Variants in TICAM1 observed in about 807,000 individuals in gnomAD.
TICAM1 encodes the protein TIR domain containing adaptor molecule 1, also known as TIR domain-containing adapter molecule 1.
For missense variants in TICAM1, 895 were observed against 938.2 expected (o/e 0.95, Z 0.60); for synonymous variants, 439 against 415.4 (o/e 1.06, Z -0.69).
Position 4,826,409 on chromosome 19 carries a change from C to G in TICAM1, c.-140+5205G>C, listed in dbSNP as rs913309093. Among the ~76,000 whole-genome samples the G allele has an allele frequency of 3.9e-5, 6 of 152,116 alleles. No homozygotes were observed. In the East Asian group the frequency reaches 9.6e-4, roughly 24 times the overall value. On this transcript the variant is annotated intron_variant, in intron 1 of 1. Coordinates refer to ENST00000248244, the MANE Select transcript of TICAM1 (RefSeq NM_182919.4). ...GCATGATCTCGACTCACTGCAACCT[C>G]TGCCTCCCAGGTTCAAGCGATTCTC...
rs771696411 is a variant in TICAM1 at position 4,816,964 on chromosome 19, C to T, written c.1414G>A (p.Ala472Thr). The T allele has an allele frequency of 3.1e-6, 5 of 1,613,968 alleles. No homozygotes were observed. Among genetic ancestry groups the T allele is most frequent in the Non-Finnish European group, 4.2e-6 (5 of 1,180,034 alleles). Residue 472 changes from alanine (A) to threonine (T), a missense_variant, in exon 2 of 2, where the codon GCC becomes ACC. Transcript: ENST00000248244. This position sits in a 1 kb window ranked among gnomAD's most constrained non-coding sequence, Gnocchi z 4.3. Reference protein sequence around the residue: ...CRLSLHQVNQAMMSNLTRQGS... With the variant: ...CRLSLHQVNQTMMSNLTRQGS... ...TGTCGCGTGAGGTTGCTCATCATGG[C>T]TTGGTTCACCTGGTGCAGGCTCAGG...
intron 1 of TICAM1, among the ~76,000 whole-genome samples, chr19:4,830,914 C>T (rs530166966): frequency 4.9e-4 from 75 of 152,124 alleles, no homozygotes; most frequent in Non-Finnish European, 8.4e-4. Context: ...GGCAGGACTG[C>T]GCCTGGTGAG....
Position 4,817,721 on chromosome 19 carries a change from G to A in TICAM1, c.657C>T (p.Ser219=). The change falls in exon 2 of 2, where the codon AGC becomes AGT. Residue 219 remains serine, a synonymous_variant. Transcript: ENST00000248244. This position sits in a 1 kb window ranked among gnomAD's most constrained non-coding sequence, Gnocchi z 4.7. ...TGGGCCCATGTGGGCTGCGGTGCAGGCTGAGGAAGGGCATGGTAGGGGACT... is the reference window on the plus strand; with the variant it reads ...TGGGCCCATGTGGGCTGCGGTGCAGACTGAGGAAGGGCATGGTAGGGGACT... ...ISQSPTMPFL[S]LHRSPHGPSK... The A allele has an allele frequency of 1.2e-6, 2 of 1,600,774 alleles. No homozygotes were observed. The highest frequency in any genetic ancestry group is 1.7e-6 in the Non-Finnish European group (2 of 1,175,918).
intron 1 of TICAM1, among the ~76,000 whole-genome samples, chr19:4,827,212 A>C (rs1256818315): frequency 1.3e-5 from 2 of 150,828 alleles, no homozygotes; most frequent in African/African-American, 4.9e-5. Flanking sequence ...TTAGCCGGGC[A>C]TGGTGGCGCA....
intron 1 of TICAM1, among the ~76,000 whole-genome samples, chr19:4,826,406 CCT>C (rs2093605486): frequency 1.3e-5 from 2 of 152,034 alleles, no homozygotes; most frequent in South Asian, 4.1e-4. Context: ...CTCACTGCAA[CCT>C]CTGCCTCCCA....
intron 1 of TICAM1, among the ~76,000 whole-genome samples, chr19:4,830,172 T>C (rs1470950334): frequency 6.6e-6 from 1 of 150,802 alleles, no homozygotes; most frequent in Non-Finnish European, 1.5e-5. Context: ...ACTGCAGCCT[T>C]GAACTCCCGG....
intron 1 of TICAM1, among the ~76,000 whole-genome samples, chr19:4,828,410 A>G (rs1222088013): frequency 1.3e-5 from 2 of 149,022 alleles, no homozygotes; most frequent in Non-Finnish European, 3.0e-5. Flanking sequence ...CTAATTATTA[A>G]TGTTTTGTAG....
At chr19:4,827,568 C>T (rs2093607691) in intron 1 of TICAM1, among the ~76,000 whole-genome samples, 1 of 151,464 alleles carries the variant, frequency 6.6e-6, no homozygotes, top group African/African-American at 2.4e-5. Context: ...ACCGTGCTGG[C>T]TAACACGGTG....
chr19:4,816,248 C>A lies in TICAM1; in HGVS notation c.2130G>T (p.Glu710Asp). ...AGGCAAGGACACGCGGTCATTCTGCCTCCTGCGTCTTGTCCTCGGGCGCCT... is the reference window on the plus strand; with the variant it reads ...AGGCAAGGACACGCGGTCATTCTGCATCCTGCGTCTTGTCCTCGGGCGCCT... ...GSQAPEDKTQEAE is the reference protein window; with the variant it reads ...GSQAPEDKTQDAE Residue 710 changes from glutamate (E) to aspartate (D), a missense_variant, in exon 2 of 2, where the codon GAG (glutamate) becomes GAT (aspartate). Glu to Asp is a conservative substitution (Grantham distance 45). Transcript: ENST00000248244. This position sits in a 1 kb window ranked among gnomAD's most constrained non-coding sequence, Gnocchi z 4.3. 6.6e-7 allele frequency: 1 copy of A among 1,509,442 alleles called. No individual in the cohort carries two copies. The highest frequency in any genetic ancestry group is 8.8e-7 in the Non-Finnish European group (1 of 1,131,132). The allele number at this position is 1,509,442 out of a possible 1,614,324, so 93.5% of individuals were successfully genotyped here.
intron 1 of TICAM1, among the ~76,000 whole-genome samples, chr19:4,829,530 T>C (rs373594091): frequency 6.6e-6 from 1 of 151,840 alleles, no homozygotes; most frequent in East Asian, 1.9e-4. Context: ...AAAACACCCA[T>C]GGGGTAGGAG....
Position 4,818,456 on chromosome 19 carries a change from C to G in TICAM1, c.-79G>C. ...GTTCCACACTGCCCCCCGCCTTCTG[C>G]ACGCCCAGTGTCCCCTACCCATTCA... On this transcript the variant is annotated 5_prime_UTR_variant, in exon 2 of 2. Transcript: ENST00000248244. This position sits in a 1 kb window ranked among gnomAD's most constrained non-coding sequence, Gnocchi z 4.0. The G allele has an allele frequency of 6.8e-7, 1 of 1,476,020 alleles. No homozygotes were observed. Among genetic ancestry groups the G allele is most frequent in the Non-Finnish European group, 9.0e-7 (1 of 1,114,218 alleles). 91.4% of individuals were successfully genotyped at this position (1,476,020 alleles called of 1,614,324 possible). A position where few individuals can be genotyped will look rare whatever the true frequency, so the allele number is the denominator to read the frequency against.
In TICAM1 at chr19:4,816,476, G is replaced by T; in HGVS notation, c.1902C>A (p.His634Gln). Reference protein sequence around the residue: ...WPGCPQPPPLHAWQAGTPPPP... With the variant: ...WPGCPQPPPLQAWQAGTPPPP... ...GTGGGGGGGTGCCAGCCTGCCATGC[G>T]TGCAGGGGTGGCGGCTGCGGGCACC... Residue 634 changes from histidine to glutamine, a missense_variant, in exon 2 of 2, where the codon CAC (histidine) becomes CAA (glutamine). Transcript: ENST00000248244. The surrounding 1 kb of genome is among the most constrained non-coding windows in gnomAD (Gnocchi z 4.3). The T allele has an allele frequency of 6.4e-7, 1 of 1,568,380 alleles. No homozygotes were observed. The highest frequency in any genetic ancestry group is 8.6e-7 in the Non-Finnish European group (1 of 1,159,250).
At position 4,818,230 on chromosome 19, in the gene TICAM1, T is replaced by G; in HGVS notation, c.148A>C (p.Lys50Gln). The change falls in exon 2 of 2, where the codon AAG (lysine) becomes CAG (glutamine). Residue 50 changes from lysine to glutamine, a missense_variant. Transcript: ENST00000248244. This position sits in a 1 kb window ranked among gnomAD's most constrained non-coding sequence, Gnocchi z 4.0. ...CTGGCCTCAGTTTCCTGGCCCAGCT[T>G]CAGGAGAACCATGGCATGCAGGAGG... ...QDLLHAMVLLKLGQETEARIS... is the reference protein window; with the variant it reads ...QDLLHAMVLLQLGQETEARIS... 2 of 1,613,230 alleles carry G rather than the reference T, an allele frequency of 1.2e-6. No individual in the cohort carries two copies. The highest frequency in any genetic ancestry group is 1.7e-6 in the Non-Finnish European group (2 of 1,180,002).
chr19:4,828,368 C>G (rs1045663438), intron 1 of TICAM1, among the ~76,000 whole-genome samples: 5 of 151,456 alleles, frequency 3.3e-5, no homozygotes, highest in African/African-American at 1.2e-4. Context: ...TCCCAAGTAG[C>G]TGGGACTACA....
At chr19:4,827,044 T>G (rs1219968299) in intron 1 of TICAM1, among the ~76,000 whole-genome samples, 7 of 151,492 alleles carry the variant, frequency 4.6e-5, no homozygotes, top group Non-Finnish European at 7.4e-5. Flanking sequence ...GCAGGCACAA[T>G]CGGACAATAA....
At position 4,816,279 on chromosome 19, in the gene TICAM1, C is replaced by G. The variant is rs1239184528; in HGVS notation, c.2099G>C (p.Gly700Ala). 4.6e-6 allele frequency: 7 copies of G among 1,515,886 alleles called. No individual in the cohort carries two copies. The highest frequency in any genetic ancestry group is 5.3e-6 in the Non-Finnish European group (6 of 1,133,134). The allele number at this position is 1,515,886 out of a possible 1,614,324, so 93.9% of individuals were successfully genotyped here. The change falls in exon 2 of 2, where the codon GGG becomes GCG. Residue 700 changes from glycine to alanine, a missense_variant. By Grantham distance (60) the Gly-to-Ala change is moderately conservative. Coordinates refer to ENST00000248244, the MANE Select transcript of TICAM1 (RefSeq NM_182919.4). This position sits in a 1 kb window ranked among gnomAD's most constrained non-coding sequence, Gnocchi z 4.3. Reference protein sequence around the residue: ...GLNNHMWNQRGSQAPEDKTQE... With the variant: ...GLNNHMWNQRASQAPEDKTQE... Reference sequence around the variant, plus strand: ...CGTCTTGTCCTCGGGCGCCTGGGACCCTCTCTGGTTCCACATGTGGTTGTT... The same window carrying G: ...CGTCTTGTCCTCGGGCGCCTGGGACGCTCTCTGGTTCCACATGTGGTTGTT...
In TICAM1 at chr19:4,829,345, G is replaced by GC. The variant is rs34098404; in HGVS notation, c.-140+2268dup. ...CGTGGTCTTTCTTCTCATTCTCTCTGCCCCCCCGGGCCTGAACTCAACTCT... is the reference window on the plus strand; with the variant it reads ...CGTGGTCTTTCTTCTCATTCTCTCTGCCCCCCCCGGGCCTGAACTCAACTCT... On this transcript the variant is annotated intron_variant, in intron 1 of 1. Transcript: ENST00000248244. Among the ~76,000 whole-genome samples the GC allele has an allele frequency of 4.7e-4, 70 of 149,936 alleles. 1 individual carries two copies. Among genetic ancestry groups the GC allele is most frequent in the Middle Eastern group, 3.4e-3 (1 of 294 alleles).
At position 4,818,402 on chromosome 19, in the gene TICAM1, G is replaced by A. The variant is rs367678101; in HGVS notation, c.-25C>T. 392 of 1,549,096 alleles carry A rather than the reference G, an allele frequency of 2.5e-4. 1 individual carries two copies. Among genetic ancestry groups the A allele is most frequent in the Non-Finnish European group, 3.2e-4 (371 of 1,148,884 alleles). ...TGGGCACAGGTGGGTGCAGCCTCCG[G>A]CAGCAGAAGCTGGAGGTGGTGAAGG... On this transcript the variant is annotated 5_prime_UTR_variant, in exon 2 of 2. Coordinates refer to ENST00000248244, the MANE Select transcript of TICAM1 (RefSeq NM_182919.4). This position sits in a 1 kb window ranked among gnomAD's most constrained non-coding sequence, Gnocchi z 4.0.
chr19:4,828,124 A>ATT (rs113627166), intron 1 of TICAM1, among the ~76,000 whole-genome samples: 2 of 151,204 alleles, frequency 1.3e-5, no homozygotes, highest in African/African-American at 4.9e-5. Context: ...TGTTTTTTTT[A>ATT]TTTTTTTTGA....
Sources: allele counts gnomAD v4.1 joint callset (sites outside exome capture counted in the v4.1 genomes callset), GRCh38; gene constraint gnomAD v4.1.1; non-coding constraint Gnocchi (gnomAD v3.1); transcripts MANE v1.5; gene names NCBI Gene and HGNC (gene_info 2026-07-23, HGNC 2026-07-21).